Variants in ZRANB3 observed in about 807,000 individuals in gnomAD.
ZRANB3 encodes the protein zinc finger RANBP2-type containing 3.
Under a neutral mutation model 133.8 loss-of-function variants are expected in ZRANB3, and 125 were observed. That is an observed-to-expected ratio of 0.93 (90% CI 0.81 to 1.08). The LOEUF is 1.08. ZRANB3 is among the 50% of genes least tolerant of loss of function. The pLI is 0.00. For missense variants in ZRANB3, 1,229 were observed against 1,275.5 expected (o/e 0.96, Z 0.56); for synonymous variants, 387 against 432.7 (o/e 0.89, Z 1.31).
In ZRANB3 at chr2:135,319,643, A is replaced by C. The variant is rs112518433; in HGVS notation, c.678-4113T>G. On this transcript the variant is annotated intron_variant, in intron 6 of 20. Transcript: ENST00000264159. The stretch of plus-strand genomic sequence containing the variant: ...TACATTTCAACCTTGCTTCTCTTCC[A>C]GTACTCACATGTTCCCAGCATCTGG... Among the ~76,000 whole-genome samples, 62 of 152,288 alleles carry C rather than the reference A, an allele frequency of 4.1e-4. 1 individual carries two copies. The highest frequency in any genetic ancestry group is 1.4e-3 in the African/African-American group (57 of 41,566).
chr2:135,315,924 T>G (rs1169287397), intron 6 of ZRANB3, among the ~76,000 whole-genome samples: 1 of 152,208 alleles, frequency 6.6e-6, no homozygotes, highest in Non-Finnish European at 1.5e-5. Flanking sequence ...CCAGTCATTA[T>G]AATAACCAAA....
At position 135,312,182 on chromosome 2, in the gene ZRANB3, ATTTTAT is replaced by A. The variant is rs1459551174; in HGVS notation, c.966+1301_966+1306del. 9.6e-3 allele frequency among the ~76,000 whole-genome samples: 1,243 copies of A among 129,396 alleles called. 17 individuals are homozygous for A. Among genetic ancestry groups the A allele is most frequent in the South Asian group, 0.049 (191 of 3,922 alleles). The allele number at this position is 129,396 out of a possible 152,430, so 84.9% of individuals were successfully genotyped here. ...TTTTTATTTTATTTTATTTTATTTT[ATTTTAT>A]TTTTATTTTATTTTATTTTATTTTA... On this transcript the variant is annotated intron_variant, in intron 8 of 20. Coordinates refer to ENST00000264159, the MANE Select transcript of ZRANB3 (RefSeq NM_032143.4).
chr2:135,212,795 C>T (rs1012223317), intron 17 of ZRANB3, among the ~76,000 whole-genome samples: 1 of 152,098 alleles, frequency 6.6e-6, no homozygotes, highest in Non-Finnish European at 1.5e-5. Context: ...CAAAGTGGCC[C>T]ACATCAATGA....
At chr2:135,527,552 T>G (rs968593072) in intron 1 of ZRANB3, among the ~76,000 whole-genome samples, 2 of 146,722 alleles carry the variant, frequency 1.4e-5, no homozygotes, top group Non-Finnish European at 3.0e-5. Flanking sequence ...TGTCGCAAAA[T>G]AAAAAAAGAA....
In ZRANB3 at chr2:135,275,773, A is replaced by T; in HGVS notation, c.967-18T>A. ...GCACCTGCCTAAATATTAAAAGGTA[A>T]ACCTTATTAGTGTCATAAAAATGAT... is the stretch of plus-strand genomic sequence containing the variant. On this transcript the variant is annotated intron_variant, in intron 8 of 20. Transcript: ENST00000264159. 1 of 1,520,852 alleles carries T rather than the reference A, an allele frequency of 6.6e-7. No homozygotes were observed. The highest frequency in any genetic ancestry group is 8.9e-7 in the Non-Finnish European group (1 of 1,129,480). The allele number at this position is 1,520,852 out of a possible 1,614,324, so 94.2% of individuals were successfully genotyped here. A position where few individuals can be genotyped will look rare whatever the true frequency, so the allele number is the denominator to read the frequency against.
At chr2:135,373,617 G>A (rs781084770) in intron 3 of ZRANB3, among the ~76,000 whole-genome samples, 13 of 151,810 alleles carry the variant, frequency 8.6e-5, no homozygotes, top group Non-Finnish European at 1.5e-4. Flanking sequence ...GCAAAACCCC[G>A]TCTCAACTAA....
intron 1 of ZRANB3, among the ~76,000 whole-genome samples, chr2:135,524,163 T>C (rs1251827701): frequency 6.6e-6 from 1 of 152,164 alleles, no homozygotes; most frequent in African/African-American, 2.4e-5. Context: ...CTCGGGTCAC[T>C]GCAACCTGGG....
chr2:135,508,349 A>C (rs1693289989), intron 1 of ZRANB3, among the ~76,000 whole-genome samples: 1 of 152,064 alleles, frequency 6.6e-6, no homozygotes, highest in African/African-American at 2.4e-5. Context: ...ATGTTAGCCA[A>C]GATGGTCTCA....
At chr2:135,305,067 C>T (rs1041180208) in intron 8 of ZRANB3, among the ~76,000 whole-genome samples, 11 of 151,972 alleles carry the variant, frequency 7.2e-5, no homozygotes, top group Non-Finnish European at 1.3e-4. Flanking sequence ...ACCTCCACCT[C>T]CCCAGGTTCA....
rs539515022 is a variant in ZRANB3, at chr2:135,263,200, T to C, written c.1539+2334A>G. 1.4e-4 allele frequency among the ~76,000 whole-genome samples: 21 copies of C among 152,334 alleles called. No homozygotes were observed. The East Asian group carries it at 4.1e-3, about 29-fold the overall frequency. Reference sequence around the variant, plus strand: ...TACTATATATATGTACTCATAAATATAGAATATACTGTGTGTGCTATGTGT... The same window carrying C: ...TACTATATATATGTACTCATAAATACAGAATATACTGTGTGTGCTATGTGT... On this transcript the variant is annotated intron_variant, in intron 12 of 20. Transcript: ENST00000264159.
chr2:135,433,868 G>A (rs750986126), intron 2 of ZRANB3, among the ~76,000 whole-genome samples: 2 of 152,136 alleles, frequency 1.3e-5, no homozygotes, highest in Non-Finnish European at 2.9e-5. Context: ...ATGGTGACGT[G>A]TGCCTGTAAT....
chr2:135,529,497 TTTTTTGTTTTTG>T (rs1045991792), intron 1 of ZRANB3, among the ~76,000 whole-genome samples: 1 of 151,786 alleles, frequency 6.6e-6, no homozygotes, highest in Non-Finnish European at 1.5e-5. Context: ...TAGTCACACG[TTTTTTGTTTTTG>T]TTTTTGTTTT....
intron 1 of ZRANB3, among the ~76,000 whole-genome samples, chr2:135,513,259 A>G (rs1693549325): frequency 6.6e-6 from 1 of 152,190 alleles, no homozygotes; most frequent in South Asian, 2.1e-4. Context: ...TAGCCAAAAC[A>G]ATCTTGAAAA....
In ZRANB3 at chr2:135,284,741, G is replaced by C. The variant is rs185876685; in HGVS notation, c.967-8986C>G. Among the ~76,000 whole-genome samples, 836 of 152,282 alleles carry C rather than the reference G, an allele frequency of 5.5e-3. 5 individuals are homozygous for C. The highest frequency in any genetic ancestry group is 9.0e-3 in the Non-Finnish European group (612 of 68,004). ...CCACCGCGGCCTCCCAAAGTGCTGG[G>C]ATTACAGGCGTGAGCCGCCGCACCC... is the stretch of plus-strand genomic sequence containing the variant. On this transcript the variant is annotated intron_variant, in intron 8 of 20. Coordinates refer to ENST00000264159, the MANE Select transcript of ZRANB3 (RefSeq NM_032143.4).
At chr2:135,229,166 G>C (rs1694880421) in intron 13 of ZRANB3, among the ~76,000 whole-genome samples, 1 of 152,090 alleles carries the variant, frequency 6.6e-6, no homozygotes. Context: ...ACAGACAACA[G>C]GTGCCCACAT....
chr2:135,397,887 T>C (rs1374182652), intron 2 of ZRANB3, among the ~76,000 whole-genome samples: 3 of 152,134 alleles, frequency 2.0e-5, no homozygotes, highest in East Asian at 1.9e-4. Context: ...CCAAAACATA[T>C]ACAAGGAGGA....
intron 17 of ZRANB3, among the ~76,000 whole-genome samples, chr2:135,211,939 A>G (rs1389109391): frequency 6.6e-6 from 1 of 152,176 alleles, no homozygotes; most frequent in African/African-American, 2.4e-5. Context: ...GTAGATTTTG[A>G]CAAATTTCTT....
chr2:135,401,996 T>A (rs1574042697), intron 2 of ZRANB3, among the ~76,000 whole-genome samples: 1 of 152,146 alleles, frequency 6.6e-6, no homozygotes, highest in East Asian at 1.9e-4. Context: ...GAACTATTTT[T>A]ATTTTGCCTT....
At chr2:135,205,896 T>A (rs906698926) in intron 19 of ZRANB3, among the ~76,000 whole-genome samples, 1 of 152,180 alleles carries the variant, frequency 6.6e-6, no homozygotes, top group Non-Finnish European at 1.5e-5. Context: ...AATATTAACA[T>A]GGAAAGGGGA....
Sources: gnomAD v4.1 joint callset for allele counts (sites outside exome capture counted in the v4.1 genomes callset) on GRCh38, gnomAD v4.1.1 for gene constraint, MANE v1.5 for transcripts, NCBI Gene and HGNC (gene_info 2026-07-23, HGNC 2026-07-21) for gene names.